UNC79: variants seen among roughly 807,000 people sequenced by gnomAD.
UNC79 encodes the protein protein unc-79 homolog.
Under a neutral mutation model 283.1 loss-of-function variants are expected in UNC79, and 37 were observed. The ratio of observed to expected loss-of-function variants is 0.13; its 90% CI spans 0.10 to 0.17. UNC79 has a LOEUF of 0.17. Ranked by LOEUF, UNC79 falls within the 10% of genes least tolerant of loss-of-function variation. UNC79 has a pLI of 1.00. For missense variants in UNC79, 2,272 were observed against 3,211.1 expected, an observed-to-expected ratio of 0.71 and a Z score of 7.07; for synonymous variants, 1,107 against 1,200.2, an observed-to-expected ratio of 0.92 and a Z score of 1.61.
At chr14:93,494,975 A>G (rs1458453251) in intron 5 of UNC79, among the ~76,000 whole-genome samples, 1 of 152,130 alleles carries the variant, frequency 6.6e-6, no homozygotes, top group Non-Finnish European at 1.5e-5. Flanking sequence ...AGGATCAAGC[A>G]GAGTCATTAA....
At chr14:93,653,629 G>GGT in intron 35 of UNC79, 113 bp from the exon 39 acceptor site, 1 of 890,076 alleles carries the variant, frequency 1.1e-6, no homozygotes, top group Non-Finnish European at 1.8e-6. Context: ...GAACATGACA[G>GGT]TGAGCTATCC....
At chr14:93,345,043 C>T (rs769782158) in intron 1 of UNC79, among the ~76,000 whole-genome samples, 6 of 152,044 alleles carry the variant, frequency 3.9e-5, no homozygotes, top group African/African-American at 1.2e-4. Context: ...AGTTAGGAGG[C>T]GGGGCCTTTG....
intron 7 of UNC79, among the ~76,000 whole-genome samples, chr14:93,515,898 CT>C (rs1017432239): frequency 3.0e-5 from 4 of 135,044 alleles, no homozygotes; most frequent in Non-Finnish European, 6.5e-5. Context: ...TTTTTTTTTT[CT>C]TTTGTGGTCC....
At chr14:93,618,436 T>C (rs2066890467) in intron 29 of UNC79, 82 bp downstream of exon 30, 5 of 1,343,152 alleles carry the variant, frequency 3.7e-6, no homozygotes, top group Non-Finnish European at 4.8e-6. Context: ...GATAGAAGAG[T>C]GTTCCCAGAT....
intron 22 of UNC79, among the ~76,000 whole-genome samples, chr14:93,592,800 G>C (rs1048088950): frequency 3.3e-5 from 5 of 152,188 alleles, no homozygotes. Context: ...TATTCCTGTA[G>C]AACTTGATAG....
At chr14:93,620,383 T>C (rs1298332044) in intron 29 of UNC79, among the ~76,000 whole-genome samples, 1 of 152,206 alleles carries the variant, frequency 6.6e-6, no homozygotes, top group Non-Finnish European at 1.5e-5. Context: ...ATTCACACCG[T>C]ATAAGGTGCA....
intron 35 of UNC79, among the ~76,000 whole-genome samples, chr14:93,648,955 G>A (rs1475987594): frequency 6.6e-6 from 1 of 152,114 alleles, no homozygotes; most frequent in Middle Eastern, 3.2e-3. Context: ...AAGCAGCAAG[G>A]TGTGTGTGTG....
intron 1 of UNC79, among the ~76,000 whole-genome samples, chr14:93,379,714 T>TGGGAGGGGG (rs2054628658): frequency 5.0e-5 from 1 of 20,068 alleles, no homozygotes; most frequent in Non-Finnish European, 9.5e-5. Flanking sequence ...AGGGGGAGGG[T>TGGGAGGGGG]GGGAGGGGGG....
intron 37 of UNC79, 43 bp downstream of exon 40, chr14:93,654,068 T>G (rs2070627598): frequency 1.3e-6 from 2 of 1,573,132 alleles, no homozygotes; most frequent in Non-Finnish European, 1.7e-6. Flanking sequence ...GCCGAAACTC[T>G]AAGCCCCAGC....
chr14:93,677,498 G>T (rs190593074), intron 41 of UNC79, among the ~76,000 whole-genome samples: 1 of 152,142 alleles, frequency 6.6e-6, no homozygotes, highest in Non-Finnish European at 1.5e-5. Context: ...ACTACCATGA[G>T]AACAGTATGG....
intron 1 of UNC79, among the ~76,000 whole-genome samples, chr14:93,360,288 A>G (rs1209862165): frequency 6.6e-6 from 1 of 152,194 alleles, no homozygotes; most frequent in Non-Finnish European, 1.5e-5. Context: ...AAAAAACAAT[A>G]TCGCATCCCT....
exon 27 of UNC79, chr14:93,613,039 C>G: frequency 6.2e-7 from 1 of 1,614,162 alleles, no homozygotes; most frequent in Non-Finnish European, 8.5e-7. Context: ...TCAAAAAATG[C>G]GCCTGTCAAC....
chr14:93,594,269 GTTTT>G (rs781247766), intron 23 of UNC79, among the ~76,000 whole-genome samples: 2 of 151,842 alleles, frequency 1.3e-5, no homozygotes, highest in African/African-American at 2.4e-5. Flanking sequence ...AGAAATTGAG[GTTTT>G]TTGTGTTTTT....
In UNC79 at chr14:93,621,537, A is replaced by G. The variant is rs149278228; in HGVS notation, c.4388-84A>G. ...GGAGCTGGGATTGTGATGATGATTT[A>G]TGCCAATTGTATGCCCAAGGATGAG... On this transcript the variant is annotated intron_variant, in intron 29 of 48. Transcript: ENST00000555664. This position sits in a 1 kb window ranked among gnomAD's most constrained non-coding sequence, Gnocchi z 4.8. The G allele has an allele frequency of 2.1e-6, 3 of 1,423,928 alleles. No homozygotes were observed. The East Asian group carries it at 7.2e-5, about 34-fold the overall frequency. The allele number at this position is 1,423,928 out of a possible 1,614,324, so 88.2% of individuals were successfully genotyped here. A position where few individuals can be genotyped will look rare whatever the true frequency, so the allele number is the denominator to read the frequency against.
intron 20 of UNC79, among the ~76,000 whole-genome samples, chr14:93,583,317 CAA>C (rs112879763): frequency 2.4e-5 from 3 of 124,548 alleles, no homozygotes; most frequent in Non-Finnish European, 1.7e-5. Context: ...AAACTCTGCT[CAA>C]AAAAAAAAAA....
intron 14 of UNC79, among the ~76,000 whole-genome samples, chr14:93,552,972 T>C (rs2061973009): frequency 6.6e-6 from 1 of 152,246 alleles, no homozygotes; most frequent in South Asian, 2.1e-4. Context: ...TTTTATCGGC[T>C]TTAGAAGTCA....
At chr14:93,428,589 G>A (rs2055780827), upstream of UNC79, among the ~76,000 whole-genome samples, 1 of 152,168 alleles carries the variant, frequency 6.6e-6, no homozygotes, top group Non-Finnish European at 1.5e-5. Flanking sequence ...TGAGTGCCTA[G>A]GTTGATGATT....
chr14:93,366,571 CTT>C (rs370391512), intron 1 of UNC79, among the ~76,000 whole-genome samples: 18 of 139,578 alleles, frequency 1.3e-4, no homozygotes, highest in Admixed American at 1.4e-4. Context: ...TTTTTTTATT[CTT>C]TTTTTTTTTT....
rs1010938374 is a variant in UNC79 at position 93,577,774 on chromosome 14, C to T, written c.2212-68C>T. On this transcript the variant is annotated intron_variant, in intron 17 of 48. Coordinates refer to ENST00000555664, the Ensembl canonical transcript of UNC79. The stretch of plus-strand genomic sequence containing the variant: ...CTGGAAATACCTTCCATAGAGTCCC[C>T]GAATATTTTACACAGCAATTTGAGC... The T allele has an allele frequency of 1.5e-5, 23 of 1,528,340 alleles. No individual in the cohort carries two copies. The African/African-American group carries it at 1.5e-4, about 10-fold the overall frequency. 94.7% of individuals were successfully genotyped at this position (1,528,340 alleles called of 1,614,324 possible). A position where few individuals can be genotyped will look rare whatever the true frequency, so the allele number is the denominator to read the frequency against.
Sources: allele counts gnomAD v4.1 joint callset (sites outside exome capture counted in the v4.1 genomes callset), GRCh38; gene constraint gnomAD v4.1.1; non-coding constraint Gnocchi (gnomAD v3.1); transcripts MANE v1.5; gene names NCBI Gene and HGNC (gene_info 2026-07-23, HGNC 2026-07-21).